SSBP2: variants seen among roughly 807,000 people sequenced by gnomAD.
SSBP2 encodes single stranded DNA binding protein 2.
Under a neutral mutation model 61.8 loss-of-function variants are expected in SSBP2, and 17 were observed. The observed-to-expected ratio is 0.28, with a 90% CI of 0.19 to 0.41. The LOEUF (loss-of-function observed/expected upper bound fraction) is 0.41. SSBP2 is among the 10% of genes least tolerant of loss of function. SSBP2 has a pLI of 1.00. For synonymous variants in SSBP2, 139 were observed against 141.3 expected (o/e 0.98, Z 0.12); for missense variants, 310 against 458.7 (o/e 0.68, Z 2.96).
chr5:81,486,311 C>T (rs1158742772), intron 6 of SSBP2, among the ~76,000 whole-genome samples: 1 of 152,120 alleles, frequency 6.6e-6, no homozygotes, highest in Non-Finnish European at 1.5e-5. Context: ...ATTCCCACCA[C>T]CAACCTTGTC....
At chr5:81,519,755 C>T (rs1344718218) in intron 4 of SSBP2, among the ~76,000 whole-genome samples, 1 of 152,096 alleles carries the variant, frequency 6.6e-6, no homozygotes, top group African/African-American at 2.4e-5. Context: ...TGCCCGCCTG[C>T]CCTGGACTGT....
chr5:81,467,182 G>T, intron 8 of SSBP2, 117 bp from the exon 9 acceptor site: 1 of 540,860 alleles, frequency 1.8e-6, no homozygotes, highest in Non-Finnish European at 3.3e-6. Context: ...TTCTCTGAGG[G>T]GTCCATTCTT....
intron 10 of SSBP2, among the ~76,000 whole-genome samples, chr5:81,450,006 T>G (rs1243365107): frequency 6.6e-6 from 1 of 152,152 alleles, no homozygotes. Flanking sequence ...TTTCAGTTCA[T>G]GATCTACCTA....
intron 1 of SSBP2, among the ~76,000 whole-genome samples, chr5:81,711,700 A>AT (rs1365763804): frequency 1.1e-3 from 171 of 152,116 alleles, no homozygotes; most frequent in Non-Finnish European, 1.9e-3. Context: ...TGATAAAAAA[A>AT]AAAATAAAAC....
rs1768875063 is a variant in SSBP2 at position 81,514,676 on chromosome 5, CTTCACCTATA to C, written c.283-969_283-960del. ...GTATCTAGTGTATCTGTTGCGCTATCTTCACCTATATTTCAGTGTATTCATTCATGCATTA... is the reference window on the plus strand; with the variant it reads ...GTATCTAGTGTATCTGTTGCGCTATCTTTCAGTGTATTCATTCATGCATTA... On this transcript the variant is annotated intron_variant, in intron 4 of 16. Coordinates refer to ENST00000320672, the MANE Select transcript of SSBP2 (RefSeq NM_012446.5). 2.0e-5 allele frequency among the ~76,000 whole-genome samples: 3 copies of C among 151,956 alleles called. No individual in the cohort carries two copies. The South Asian group carries it at 6.2e-4, about 31-fold the overall frequency.
chr5:81,696,634 T>C (rs1046832933), intron 1 of SSBP2, among the ~76,000 whole-genome samples: 2 of 152,222 alleles, frequency 1.3e-5, no homozygotes, highest in East Asian at 1.9e-4. Context: ...TATAACCATC[T>C]GGCAATGTAA....
At chr5:81,686,761 A>T (rs1287289804) in intron 1 of SSBP2, among the ~76,000 whole-genome samples, 1 of 151,514 alleles carries the variant, frequency 6.6e-6, no homozygotes, top group Non-Finnish European at 1.5e-5. Flanking sequence ...AGGCTGAGAC[A>T]GGAGAATCGC....
At chr5:81,542,632 T>A (rs2154118838) in intron 4 of SSBP2, among the ~76,000 whole-genome samples, 1 of 80,072 alleles carries the variant, frequency 1.2e-5, no homozygotes, top group South Asian at 4.3e-4. Context: ...AACAAAGTCA[T>A]GGTGATATGG....
chr5:81,608,127 T>C (rs1021298848), intron 4 of SSBP2, among the ~76,000 whole-genome samples: 2 of 152,110 alleles, frequency 1.3e-5, no homozygotes, highest in Non-Finnish European at 2.9e-5. Flanking sequence ...CCCACTCTTA[T>C]CCCTTAATCC....
intron 3 of SSBP2, chr5:81,616,390 A>C (rs1746032565): frequency 6.9e-6 from 1 of 144,542 alleles, no homozygotes; most frequent in African/African-American, 2.6e-5. Context: ...TGCGCTTTTC[A>C]GACCGGCTTA....
intron 2 of SSBP2, among the ~76,000 whole-genome samples, chr5:81,641,158 CT>C (rs985899360): frequency 2.4e-4 from 36 of 152,224 alleles, no homozygotes; most frequent in African/African-American, 7.7e-4. Flanking sequence ...CCCACTGCCC[CT>C]CATCCTTACT....
chr5:81,504,582 T>C (rs1768036764), intron 5 of SSBP2, among the ~76,000 whole-genome samples: 2 of 152,218 alleles, frequency 1.3e-5, no homozygotes, highest in Admixed American at 6.5e-5. Context: ...TTCAGGTCTT[T>C]ACTCAAATAC....
intron 6 of SSBP2, among the ~76,000 whole-genome samples, chr5:81,481,953 T>A (rs1766022998): frequency 6.6e-6 from 1 of 151,998 alleles, no homozygotes; most frequent in Non-Finnish European, 1.5e-5. Flanking sequence ...TATAAAATTT[T>A]TTTTTTGAGA....
intron 15 of SSBP2, among the ~76,000 whole-genome samples, chr5:81,433,768 C>T (rs1208112653): frequency 6.6e-6 from 1 of 152,134 alleles, no homozygotes. Flanking sequence ...AATATAAATT[C>T]TGCATTCTGA....
chr5:81,501,730 TTTTG>T (rs1207262223), intron 5 of SSBP2, among the ~76,000 whole-genome samples: 1 of 151,404 alleles, frequency 6.6e-6, no homozygotes, highest in Non-Finnish European at 1.5e-5. Flanking sequence ...GCCCGGCTAA[TTTTG>T]TTTTTGTATT....
chr5:81,744,829 G>A (rs1253338486), intron 1 of SSBP2, among the ~76,000 whole-genome samples: 1 of 151,994 alleles, frequency 6.6e-6, no homozygotes, highest in Non-Finnish European at 1.5e-5. Context: ...TACATGAAAT[G>A]TAATTAACAT....
At chr5:81,521,470 T>A (rs776794465) in intron 4 of SSBP2, among the ~76,000 whole-genome samples, 18 of 151,844 alleles carry the variant, frequency 1.2e-4, no homozygotes, top group Admixed American at 2.6e-4. Flanking sequence ...TAAATGGATA[T>A]TGTTTTCCAA....
chr5:81,692,361 CA>C (rs199568138), intron 1 of SSBP2, among the ~76,000 whole-genome samples: 4,609 of 151,484 alleles, frequency 0.03, 178 homozygotes, highest in African/African-American at 0.1. Flanking sequence ...AAGAGGACAA[CA>C]AAAAAAATGG....
At chr5:81,467,634 T>C (rs1192380565) in intron 8 of SSBP2, among the ~76,000 whole-genome samples, 3 of 152,016 alleles carry the variant, frequency 2.0e-5, no homozygotes, top group African/African-American at 7.2e-5. Context: ...ATCTATCATG[T>C]GCATTCAAAG....
Sources: allele counts gnomAD v4.1 joint callset (sites outside exome capture counted in the v4.1 genomes callset), GRCh38; gene constraint gnomAD v4.1.1; transcripts MANE v1.5; gene names NCBI Gene and HGNC (gene_info 2026-07-23, HGNC 2026-07-21).